The following GCC2 variants were observed in gnomAD, a reference collection of about 807,000 sequenced individuals.
The protein encoded by GCC2 is GRIP and coiled-coil domain-containing protein 2.
Under a neutral mutation model 210.6 loss-of-function variants are expected in GCC2, and 120 were observed. The observed-to-expected ratio is 0.57, with a 90% CI of 0.49 to 0.66. The LOEUF is 0.66. Ranked by LOEUF, GCC2 falls within the 30% of genes least tolerant of loss-of-function variation. GCC2 has a pLI of 0.00. For missense variants in GCC2, 1,868 were observed against 1,871.9 expected (o/e 1.00, Z 0.04); for synonymous variants, 703 against 652.7 (o/e 1.08, Z -1.17).
At chr2:108,464,428 A>C (rs918406151) in intron 4 of GCC2, among the ~76,000 whole-genome samples, 6 of 152,160 alleles carry the variant, frequency 3.9e-5, no homozygotes, top group African/African-American at 1.4e-4. Context: ...TTCAAAACTC[A>C]GGGGCTTGTG....
Position 108,471,684 on chromosome 2 carries a change from A to C in GCC2, c.2355A>C (p.Ala785=). Residue 785 remains alanine, a synonymous_variant, in exon 6 of 23, where the codon GCA becomes GCC. Coordinates refer to ENST00000309863, the MANE Select transcript of GCC2 (RefSeq NM_181453.4). ...EEKDVVNVLQ[A]VGESLAKINE... ...AAGATGTTGTTAATGTCCTACAGGC[A>C]GTCGGTGAATCCTTGGCAAAAATAA... is the stretch of plus-strand genomic sequence containing the variant. 6.2e-7 allele frequency: 1 copy of C among 1,613,682 alleles called. No homozygotes were observed. The highest frequency in any genetic ancestry group is 8.5e-7 in the Non-Finnish European group (1 of 1,179,706).
rs987882981 is a variant in GCC2, at chr2:108,507,753, C to T, written c.*123C>T. The T allele has an allele frequency of 1.7e-5, 12 of 702,308 alleles. No homozygotes were observed. Among genetic ancestry groups the T allele is most frequent in the East Asian group, 2.7e-5 (1 of 36,718 alleles). The allele number at this position is 702,308 out of a possible 1,614,324, so 43.5% of individuals were successfully genotyped here. A position where few individuals can be genotyped will look rare whatever the true frequency, so the allele number is the denominator to read the frequency against. The stretch of plus-strand genomic sequence containing the variant: ...ATGTTTGCATCTACATATATTTGTA[C>T]ATCTATATGACAGATGTATTTTAAA... On this transcript the variant is annotated 3_prime_UTR_variant, in exon 23 of 23. Coordinates refer to ENST00000309863, the MANE Select transcript of GCC2 (RefSeq NM_181453.4).
chr2:108,493,147 T>C (rs1682487668), intron 19 of GCC2, among the ~76,000 whole-genome samples: 1 of 152,230 alleles, frequency 6.6e-6, no homozygotes, highest in Non-Finnish European at 1.5e-5. Flanking sequence ...TGGAGTGCAG[T>C]GGCGCGATCT....
chr2:108,500,434 A>C (rs1308755837), intron 22 of GCC2, among the ~76,000 whole-genome samples: 3 of 152,204 alleles, frequency 2.0e-5, no homozygotes, highest in Admixed American at 6.5e-5. Context: ...AATTGCTCAA[A>C]TCCAGGAGGC....
rs1296259019 is a variant in GCC2, at chr2:108,484,072, AT to A, written c.3451-73del. On this transcript the variant is annotated intron_variant, in intron 12 of 22. Coordinates refer to ENST00000309863, the MANE Select transcript of GCC2 (RefSeq NM_181453.4). ...TTATTGCTGTGGCATCATTTTAGCA[AT>A]TTTACAAATGAAAAAAAAAATTTAC... is the stretch of plus-strand genomic sequence containing the variant. 3 of 885,242 alleles carry A rather than the reference AT, an allele frequency of 3.4e-6. No individual in the cohort carries two copies. In the East Asian group the frequency reaches 8.5e-5, roughly 25 times the overall value. The allele number at this position is 885,242 out of a possible 1,614,324, so 54.8% of individuals were successfully genotyped here. A position where few individuals can be genotyped will look rare whatever the true frequency, so the allele number is the denominator to read the frequency against.
intron 18 of GCC2, among the ~76,000 whole-genome samples, chr2:108,491,076 GT>G (rs976814457): frequency 2.4e-4 from 37 of 152,028 alleles, no homozygotes; most frequent in African/African-American, 9.0e-4. Context: ...TTTAAAAAAT[GT>G]TTTAATATTC....
Position 108,451,034 on chromosome 2 carries a change from A to G in GCC2, c.70A>G (p.Thr24Ala), listed in dbSNP as rs762716526. ...ACATGACCACATCTTTCAGCTGGAAACATTGCCCAAAGAAGACCTCATCAA... is the reference window on the plus strand; with the variant it reads ...ACATGACCACATCTTTCAGCTGGAAGCATTGCCCAAAGAAGACCTCATCAA... ...TPGTGKSKLE[T>A]LPKEDLIKFA... The change falls in exon 3 of 23, where the codon ACA (threonine) becomes GCA (alanine). Residue 24 changes from threonine to alanine, a missense_variant. Physicochemically the swap from Thr to Ala is moderately conservative, Grantham distance 58. This residue lies in a region of GCC2 where 1,847 missense variants were observed against 1,765.2 expected (regional missense o/e 1.05). Coordinates refer to ENST00000309863, the MANE Select transcript of GCC2 (RefSeq NM_181453.4). The G allele has an allele frequency of 1.2e-5, 20 of 1,609,174 alleles. No homozygotes were observed. The South Asian group carries it at 2.2e-4, about 18-fold the overall frequency.
chr2:108,461,942 C>A (rs1353049877), intron 4 of GCC2, among the ~76,000 whole-genome samples: 1 of 144,806 alleles, frequency 6.9e-6, no homozygotes, highest in East Asian at 2.0e-4. Context: ...ACGCCATTCT[C>A]CTGCCTCAGC....
At position 108,508,001 on chromosome 2, in the gene GCC2, A is replaced by C. The variant is rs1482074306; in HGVS notation, c.*371A>C. 6.0e-6 allele frequency: 1 copy of C among 166,482 alleles called. No individual in the cohort carries two copies. Among genetic ancestry groups the C allele is most frequent in the Non-Finnish European group, 1.3e-5 (1 of 78,412 alleles). 10.3% of individuals were successfully genotyped at this position (166,482 alleles called of 1,614,324 possible). On this transcript the variant is annotated 3_prime_UTR_variant, in exon 23 of 23. Transcript: ENST00000309863. ...CCATACCAACTGGAATTTAGGCTTT[A>C]AAAATAATGTTTCAAGGCCAGGTGT...
rs1188112234 is a variant in GCC2, at chr2:108,487,805, G to C, written c.4037G>C (p.Gly1346Ala). Residue 1346 changes from glycine to alanine, a missense_variant, in exon 17 of 23, where the codon GGC becomes GCC. This residue lies in a region of GCC2 where 1,847 missense variants were observed against 1,765.2 expected (regional missense o/e 1.05). Transcript: ENST00000309863. ...TCTATGTCTCAGGCTGAAACTGAGG[G>C]CGCTAAACAAGAAAGGTAAAGTCTG... Reference protein sequence around the residue: ...NKSMSQAETEGAKQEREHLEM... With the variant: ...NKSMSQAETEAAKQEREHLEM... The C allele has an allele frequency of 6.2e-7, 1 of 1,613,138 alleles. No individual in the cohort carries two copies. The highest frequency in any genetic ancestry group is 2.2e-5 in the East Asian group (1 of 44,810).
chr2:108,493,382 C>G lies in GCC2; in HGVS notation c.4447+592C>G, dbSNP rs1355645884. 4.2e-6 allele frequency: 4 copies of G among 963,228 alleles called. No homozygotes were observed. In the Admixed American group the frequency reaches 2.3e-4, roughly 55 times the overall value. 59.7% of individuals were successfully genotyped at this position (963,228 alleles called of 1,614,324 possible). ...GGATTACAGGCATGAGCCACTGCGC[C>G]TGGCCGACACATGTCTTAATTCTAG... On this transcript the variant is annotated intron_variant, in intron 19 of 22. Coordinates refer to ENST00000309863, the MANE Select transcript of GCC2 (RefSeq NM_181453.4).
At chr2:108,472,936 A>T in intron 7 of GCC2, 37 bp downstream of exon 7, 1 of 1,173,506 alleles carries the variant, frequency 8.5e-7, no homozygotes, top group South Asian at 1.3e-5. Flanking sequence ...ACAATTAATT[A>T]GACAGATTCT....
intron 19 of GCC2, chr2:108,493,255 AT>A (rs1440946525): frequency 1.2e-5 from 5 of 414,716 alleles, no homozygotes; most frequent in Non-Finnish European, 1.7e-5. Flanking sequence ...AGGCCGGCTA[AT>A]TTTTTGTATT....
intron 6 of GCC2, among the ~76,000 whole-genome samples, chr2:108,472,510 G>T (rs1410501405): frequency 6.6e-6 from 1 of 151,818 alleles, no homozygotes; most frequent in Non-Finnish European, 1.5e-5. Flanking sequence ...AAATTTTAGG[G>T]TTTTCTTTAA....
intron 22 of GCC2, among the ~76,000 whole-genome samples, chr2:108,504,477 C>T (rs1445427261): frequency 1.3e-5 from 2 of 152,184 alleles, no homozygotes; most frequent in South Asian, 2.1e-4. Context: ...TACAACTCTG[C>T]GTTATAAGGT....
At chr2:108,452,333 T>C (rs1679988195) in intron 3 of GCC2, 66 bp from the exon 4 acceptor site, 1 of 849,014 alleles carries the variant, frequency 1.2e-6, no homozygotes, top group African/African-American at 1.7e-5. Flanking sequence ...AGAATGTACT[T>C]ATCAGTTTCC....
In GCC2 at chr2:108,470,227, G is replaced by C. The variant is rs776615615; in HGVS notation, c.898G>C (p.Glu300Gln). ...NIQKKYECELENLRKATSNAN... is the reference protein window; with the variant it reads ...NIQKKYECELQNLRKATSNAN... ...CCAGAAGAAATATGAATGTGAGTTAGAAAATTTAAGGAAAGCCACCTCAAA... is the reference window on the plus strand; with the variant it reads ...CCAGAAGAAATATGAATGTGAGTTACAAAATTTAAGGAAAGCCACCTCAAA... Residue 300 changes from glutamate to glutamine, a missense_variant, in exon 6 of 23, where the codon GAA (glutamate) becomes CAA (glutamine). By Grantham distance (29) the Glu-to-Gln change is conservative. This residue lies in a region of GCC2 where 1,847 missense variants were observed against 1,765.2 expected (regional missense o/e 1.05). Transcript: ENST00000309863. The C allele has an allele frequency of 3.7e-6, 6 of 1,613,322 alleles. No homozygotes were observed. In the East Asian group the frequency reaches 6.7e-5, roughly 18 times the overall value.
chr2:108,456,337 C>G (rs1228655604), intron 4 of GCC2, among the ~76,000 whole-genome samples: 3 of 152,172 alleles, frequency 2.0e-5, no homozygotes, highest in Non-Finnish European at 4.4e-5. Flanking sequence ...ACACTTCCAC[C>G]AACAGTGTAG....
intron 22 of GCC2, among the ~76,000 whole-genome samples, chr2:108,504,311 T>G (rs927351127): frequency 4.6e-5 from 7 of 152,080 alleles, no homozygotes; most frequent in Non-Finnish European, 8.8e-5. Context: ...TAGTTTTCCT[T>G]TCTGTGGGTT....
Sources: gnomAD v4.1 joint callset for allele counts (sites outside exome capture counted in the v4.1 genomes callset) on GRCh38, gnomAD v4.1.1 for gene constraint, gnomAD v4.1.1 regional missense constraint, MANE v1.5 for transcripts, NCBI Gene and HGNC (gene_info 2026-07-23, HGNC 2026-07-21) for gene names.